Variants in GRM8 observed in about 807,000 individuals in gnomAD.
GRM8 encodes glutamate metabotropic receptor 8, also known as metabotropic glutamate receptor 8.
A neutral mutation model predicts 87.2 loss-of-function variants in GRM8; 47 were observed. That is an observed-to-expected ratio of 0.54 (90% CI 0.43 to 0.69). GRM8 has a LOEUF of 0.69. GRM8 is among the 30% of genes least tolerant of loss of function. GRM8 has a pLI of 0.00. For missense variants in GRM8, 1,019 were observed against 1,139.2 expected, an observed-to-expected ratio of 0.89 and a Z score of 1.52; for synonymous variants, 396 against 404.5, an observed-to-expected ratio of 0.98 and a Z score of 0.25.
chr7:126,617,740 A>C (rs548917096), intron 7 of GRM8, among the ~76,000 whole-genome samples: 1 of 152,172 alleles, frequency 6.6e-6, no homozygotes, highest in Admixed American at 6.5e-5. Context: ...ATAACAGACA[A>C]ACAGAGAGCC....
intron 9 of GRM8, among the ~76,000 whole-genome samples, chr7:126,457,212 A>T (rs1017672027): frequency 5.9e-5 from 9 of 151,552 alleles, no homozygotes; most frequent in African/African-American, 1.5e-4. Context: ...AGTAAAAAAA[A>T]TATCCACGGT....
chr7:126,667,876 G>A lies in GRM8; in HGVS notation c.1358-58378C>T, dbSNP rs144135490. ...GTAGCCTCACCATGGCAGAGGACAG[G>A]ATGCAAGAGCAACATGTGGCCACGG... is the stretch of plus-strand genomic sequence containing the variant. On this transcript the variant is annotated intron_variant, in intron 7 of 10. Coordinates refer to ENST00000339582, the MANE Select transcript of GRM8 (RefSeq NM_000845.3). Among the ~76,000 whole-genome samples the A allele has an allele frequency of 6.5e-4, 99 of 152,336 alleles. 1 individual carries two copies. Among genetic ancestry groups the A allele is most frequent in the African/African-American group, 2.2e-3 (92 of 41,574 alleles).
At chr7:127,115,430 T>C (rs1199018274) in intron 2 of GRM8, among the ~76,000 whole-genome samples, 1 of 152,236 alleles carries the variant, frequency 6.6e-6, no homozygotes, top group African/African-American at 2.4e-5. Flanking sequence ...TTGATTTGGC[T>C]ACTGAAAATC....
At chr7:127,112,749 T>C (rs1826450535) in intron 2 of GRM8, among the ~76,000 whole-genome samples, 1 of 152,218 alleles carries the variant, frequency 6.6e-6, no homozygotes, top group Admixed American at 6.5e-5. Context: ...AGTTGTAGCC[T>C]GTGCAGTCTT....
intron 2 of GRM8, among the ~76,000 whole-genome samples, chr7:127,226,421 C>G (rs1403677894): frequency 1.3e-5 from 2 of 152,156 alleles, no homozygotes; most frequent in African/African-American, 4.8e-5. Flanking sequence ...CTGTCTTTAG[C>G]CAACTCTAAT....
At chr7:126,518,665 A>G (rs1812526314) in intron 9 of GRM8, among the ~76,000 whole-genome samples, 1 of 152,084 alleles carries the variant, frequency 6.6e-6, no homozygotes, top group Non-Finnish European at 1.5e-5. Context: ...CCTTAAGTAT[A>G]TTTATCTTCT....
chr7:126,764,519 A>C lies in GRM8; in HGVS notation c.1357+5346T>G, dbSNP rs116066499. Among the ~76,000 whole-genome samples the C allele has an allele frequency of 5.6e-3, 855 of 152,218 alleles. 10 individuals carry two copies. The highest frequency in any genetic ancestry group is 0.02 in the African/African-American group (819 of 41,570). On this transcript the variant is annotated intron_variant, in intron 7 of 10. Transcript: ENST00000339582. Reference sequence around the variant, plus strand: ...TTTTATGCTAACAAATTTCCTTCAAAATCAGACTATAGTGTTCAGAGACTC... The same window carrying C: ...TTTTATGCTAACAAATTTCCTTCAACATCAGACTATAGTGTTCAGAGACTC...
At chr7:126,924,097 T>C (rs1017159797) in intron 3 of GRM8, among the ~76,000 whole-genome samples, 2 of 152,138 alleles carry the variant, frequency 1.3e-5, no homozygotes. Context: ...CCTTGCTGAA[T>C]GAAGAGACTC....
intron 3 of GRM8, among the ~76,000 whole-genome samples, chr7:126,905,444 C>T (rs1802580046): frequency 6.6e-6 from 1 of 152,120 alleles, no homozygotes; most frequent in African/African-American, 2.4e-5. Flanking sequence ...CCCCCAGTTG[C>T]AGTGAAACAG....
intron 6 of GRM8, among the ~76,000 whole-genome samples, chr7:126,801,313 T>A (rs990014594): frequency 4.6e-5 from 7 of 152,066 alleles, no homozygotes; most frequent in African/African-American, 1.7e-4. Context: ...TAATTAGGGG[T>A]AGAGGTGACG....
chr7:126,873,891 T>A (rs575422722), intron 6 of GRM8, among the ~76,000 whole-genome samples: 1 of 152,130 alleles, frequency 6.6e-6, no homozygotes, highest in Non-Finnish European at 1.5e-5. Flanking sequence ...GACATTCAAT[T>A]GTTTTTTAAA....
chr7:126,975,342 T>G (rs1174492795), intron 3 of GRM8, among the ~76,000 whole-genome samples: 1 of 152,122 alleles, frequency 6.6e-6, no homozygotes, highest in Non-Finnish European at 1.5e-5. Context: ...AATCTTGAGA[T>G]TTGAGGATTA....
intron 3 of GRM8, among the ~76,000 whole-genome samples, chr7:126,966,593 G>A (rs1363975847): frequency 6.6e-6 from 1 of 152,164 alleles, no homozygotes. Flanking sequence ...AGTGATATAT[G>A]TATAATGATT....
intron 9 of GRM8, among the ~76,000 whole-genome samples, chr7:126,457,395 T>G (rs549100464): frequency 1.3e-5 from 2 of 151,478 alleles, no homozygotes; most frequent in Non-Finnish European, 3.0e-5. Context: ...TTTCCAAAAC[T>G]TATGAAAAAT....
At chr7:127,194,169 C>T (rs895873506) in intron 2 of GRM8, among the ~76,000 whole-genome samples, 1 of 152,148 alleles carries the variant, frequency 6.6e-6, no homozygotes, top group Admixed American at 6.5e-5. Flanking sequence ...TCAGCATCCT[C>T]GAGTATACAA....
intron 3 of GRM8, chr7:127,080,763 G>C (rs1822770010): frequency 6.6e-6 from 1 of 152,222 alleles, no homozygotes; most frequent in African/African-American, 2.4e-5. Flanking sequence ...AGGGCTGACT[G>C]ATAAGAAAGA....
chr7:126,978,863 T>A (rs1421588553), intron 3 of GRM8, among the ~76,000 whole-genome samples: 1 of 152,158 alleles, frequency 6.6e-6, no homozygotes, highest in Non-Finnish European at 1.5e-5. Context: ...GACTCCCCTA[T>A]TTTCTTGCTT....
intron 8 of GRM8, among the ~76,000 whole-genome samples, chr7:126,580,591 C>T (rs1296472458): frequency 3.3e-5 from 5 of 152,104 alleles, no homozygotes; most frequent in African/African-American, 7.2e-5. Context: ...CCTGAAAGCA[C>T]GAACATTGGC....
At chr7:126,761,185 G>A (rs539411618) in intron 7 of GRM8, among the ~76,000 whole-genome samples, 1 of 151,702 alleles carries the variant, frequency 6.6e-6, no homozygotes, top group African/African-American at 2.4e-5. Context: ...GTGACAAAGC[G>A]AGACTCTATC....
Sources: gnomAD v4.1 joint callset for allele counts (sites outside exome capture counted in the v4.1 genomes callset) on GRCh38, gnomAD v4.1.1 for gene constraint, MANE v1.5 for transcripts, NCBI Gene and HGNC (gene_info 2026-07-23, HGNC 2026-07-21) for gene names.